LDAH: variants seen among roughly 807,000 people sequenced by gnomAD.
The protein encoded by LDAH is lipid droplet-associated hydrolase.
Under a neutral mutation model 29.6 loss-of-function variants are expected in LDAH, and 26 were observed. The observed-to-expected ratio is 0.88, with a 90% CI of 0.64 to 1.22. LDAH has a LOEUF of 1.22. Ranked by LOEUF, LDAH falls within the 50% of genes most tolerant of loss-of-function variation. The pLI, the probability that LDAH is intolerant of heterozygous loss-of-function variation, is 0.00. For synonymous variants in LDAH, 117 were observed against 133.0 expected (o/e 0.88, Z 0.83); for missense variants, 344 against 387.3 (o/e 0.89, Z 0.94).
Position 20,713,192 on chromosome 2 carries a change from C to T in LDAH, c.704-11540G>A, listed in dbSNP as rs1462322861. Among the ~76,000 whole-genome samples the T allele has an allele frequency of 8.5e-5, 13 of 152,304 alleles. 1 individual carries two copies. Among genetic ancestry groups the T allele is most frequent in the African/African-American group, 3.1e-4 (13 of 41,574 alleles). On this transcript the variant is annotated intron_variant, in intron 5 of 6. Coordinates refer to ENST00000237822, the MANE Select transcript of LDAH (RefSeq NM_021925.4). The stretch of plus-strand genomic sequence containing the variant: ...CCCATCAGACTAACAGCGGATCTCT[C>T]AGCAGAAACTCTACAAGCCAGAAGA...
At chr2:20,742,879 C>T (rs543180845) in intron 4 of LDAH, among the ~76,000 whole-genome samples, 4 of 150,848 alleles carry the variant, frequency 2.7e-5, no homozygotes, top group Admixed American at 2.0e-4. Context: ...CCCACTTCAG[C>T]CTTCTGAGTA....
At chr2:20,803,695 G>A (rs1009317255) in intron 1 of LDAH, among the ~76,000 whole-genome samples, 2 of 152,114 alleles carry the variant, frequency 1.3e-5, no homozygotes, top group African/African-American at 4.8e-5. Flanking sequence ...CTCAGACAAC[G>A]CAGCAAATTT....
intron 5 of LDAH, among the ~76,000 whole-genome samples, chr2:20,706,603 A>G (rs921042853): frequency 3.3e-5 from 5 of 152,300 alleles, no homozygotes; most frequent in African/African-American, 1.2e-4. Context: ...TCTCAACTGA[A>G]TTTTAATTTC....
At chr2:20,796,367 C>T (rs920019749) in intron 2 of LDAH, among the ~76,000 whole-genome samples, 2 of 152,188 alleles carry the variant, frequency 1.3e-5, no homozygotes, top group Admixed American at 1.3e-4. Context: ...GGTTGTCTGT[C>T]CCACTTACTA....
chr2:20,780,648 AT>A (rs1346098624), intron 3 of LDAH, among the ~76,000 whole-genome samples: 1 of 152,150 alleles, frequency 6.6e-6, no homozygotes, highest in Admixed American at 6.5e-5. Context: ...ATACCTATAG[AT>A]TGCCAAGAGA....
chr2:20,790,266 G>T lies in LDAH; in HGVS notation c.287C>A (p.Thr96Lys), dbSNP rs752277384. ...ALAPKDKKIL[T>K]TSEDSNAQEI... ...TAACAAGGACATACCCTCTGATGTT[G>T]TAAGAATCTTCTTGTCTTTGGGAGC... is the stretch of plus-strand genomic sequence containing the variant. The change falls in exon 3 of 7, where the codon ACA (threonine) becomes AAA (lysine). Residue 96 changes from threonine to lysine, a missense_variant. Physicochemically the swap from Thr to Lys is moderately conservative, Grantham distance 78. Transcript: ENST00000237822. 6 of 1,614,072 alleles carry T rather than the reference G, an allele frequency of 3.7e-6. No individual in the cohort carries two copies. The highest frequency in any genetic ancestry group is 5.1e-6 in the Non-Finnish European group (6 of 1,179,986).
At chr2:20,703,108 G>A (rs922287318) in intron 5 of LDAH, among the ~76,000 whole-genome samples, 1 of 152,236 alleles carries the variant, frequency 6.6e-6, no homozygotes, top group East Asian at 1.9e-4. Context: ...TTACAGGCAT[G>A]AGCCACCGCA....
chr2:20,733,344 T>C (rs983325023), intron 5 of LDAH, among the ~76,000 whole-genome samples: 2 of 151,426 alleles, frequency 1.3e-5, no homozygotes, highest in African/African-American at 2.4e-5. Flanking sequence ...GATCCTTCCA[T>C]CTTAGCCTGC....
chr2:20,786,146 G>A (rs1195871066), intron 3 of LDAH, among the ~76,000 whole-genome samples: 2 of 152,086 alleles, frequency 1.3e-5, no homozygotes, highest in Non-Finnish European at 2.9e-5. Context: ...GACCTTTTAT[G>A]TGAGGCTATA....
chr2:20,710,713 AT>A (rs1664687000), intron 5 of LDAH, among the ~76,000 whole-genome samples: 2 of 146,506 alleles, frequency 1.4e-5, no homozygotes, highest in Admixed American at 1.4e-4. Context: ...ATACACATAT[AT>A]TATACATATA....
chr2:20,730,057 C>A (rs528642951), intron 5 of LDAH, among the ~76,000 whole-genome samples: 1 of 152,282 alleles, frequency 6.6e-6, no homozygotes, highest in African/African-American at 2.4e-5. Flanking sequence ...AATGGAATCA[C>A]GCAGTATGTA....
At chr2:20,694,224 C>T (rs1663253486) in intron 6 of LDAH, among the ~76,000 whole-genome samples, 1 of 152,208 alleles carries the variant, frequency 6.6e-6, no homozygotes, top group Non-Finnish European at 1.5e-5. Context: ...GGGATATAAA[C>T]TGTTAGGTCC....
chr2:20,740,629 C>T (rs1194093134), intron 4 of LDAH, among the ~76,000 whole-genome samples: 1 of 152,068 alleles, frequency 6.6e-6, no homozygotes, highest in East Asian at 1.9e-4. Context: ...CTTTTTAATG[C>T]TAAAAAATAT....
At chr2:20,781,659 G>A (rs1332007589) in intron 3 of LDAH, among the ~76,000 whole-genome samples, 1 of 152,192 alleles carries the variant, frequency 6.6e-6, no homozygotes, top group African/African-American at 2.4e-5. Flanking sequence ...CAGAACTTTT[G>A]AGCTACTCAG....
At position 20,807,648 on chromosome 2, in the gene LDAH, A is replaced by C. The variant is rs190613021; in HGVS notation, c.-2-6183T>G. The stretch of plus-strand genomic sequence containing the variant: ...TCATAAAATCCAATAGTCATGAAAA[A>C]ATTCTTAACAAGTGAGAAATAAAGA... On this transcript the variant is annotated intron_variant, in intron 1 of 6. Coordinates refer to ENST00000237822, the MANE Select transcript of LDAH (RefSeq NM_021925.4). Among the ~76,000 whole-genome samples, 4 of 152,170 alleles carry C rather than the reference A, an allele frequency of 2.6e-5. No individual in the cohort carries two copies. In the East Asian group the frequency reaches 7.7e-4, roughly 29 times the overall value.
At chr2:20,796,852 G>C (rs1671337574) in intron 2 of LDAH, among the ~76,000 whole-genome samples, 1 of 152,116 alleles carries the variant, frequency 6.6e-6, no homozygotes, top group Admixed American at 6.6e-5. Context: ...TTCAAAACAT[G>C]GTCTCAACTC....
intron 5 of LDAH, among the ~76,000 whole-genome samples, chr2:20,717,265 AT>A (rs921633660): frequency 6.6e-6 from 1 of 152,150 alleles, no homozygotes; most frequent in Non-Finnish European, 1.5e-5. Context: ...TAAAATTAGA[AT>A]TTTTTTCCAG....
rs551119194 is a variant in LDAH, at chr2:20,804,359, T to C, written c.-2-2894A>G. Among the ~76,000 whole-genome samples, 5 of 152,322 alleles carry C rather than the reference T, an allele frequency of 3.3e-5. No individual in the cohort carries two copies. In the East Asian group the frequency reaches 5.8e-4, roughly 18 times the overall value. ...AAAGGTATAAACTTTGATTCAGTCATTCAATTCTGAAAAAAACCTAAAATA... is the reference window on the plus strand; with the variant it reads ...AAAGGTATAAACTTTGATTCAGTCACTCAATTCTGAAAAAAACCTAAAATA... On this transcript the variant is annotated intron_variant, in intron 1 of 6. Coordinates refer to ENST00000237822, the MANE Select transcript of LDAH (RefSeq NM_021925.4).
At chr2:20,716,550 G>GGGAA (rs1665205090) in intron 5 of LDAH, among the ~76,000 whole-genome samples, 1 of 149,978 alleles carries the variant, frequency 6.7e-6, no homozygotes, top group African/African-American at 2.4e-5. Context: ...ACACAGGGAG[G>GGGAA]GGAACATCAC....
Sources: allele counts gnomAD v4.1 joint callset (sites outside exome capture counted in the v4.1 genomes callset), GRCh38; gene constraint gnomAD v4.1.1; transcripts MANE v1.5; gene names NCBI Gene and HGNC (gene_info 2026-07-23, HGNC 2026-07-21).